SKOR2: variants seen among roughly 807,000 people sequenced by gnomAD.
The protein encoded by SKOR2 is LBX1 corepressor 1-like protein.
SKOR2 carries 47 observed loss-of-function variants against 69.1 expected under a neutral mutation model. That is an observed-to-expected ratio of 0.68 (90% CI 0.54 to 0.87). SKOR2 has a LOEUF of 0.87. Among genes scored for constraint, SKOR2 ranks in the 40% least tolerant of loss-of-function variants. The pLI, the probability that SKOR2 is intolerant of heterozygous loss-of-function variation, is 0.00. For missense variants in SKOR2, 1,404 were observed against 1,472.2 expected (o/e 0.95, Z 0.76); for synonymous variants, 717 against 672.6 (o/e 1.07, Z -1.02).
chr18:47,229,090 C>T (rs945405286), intron 6 of SKOR2, among the ~76,000 whole-genome samples: 1 of 152,180 alleles, frequency 6.6e-6, no homozygotes, highest in Non-Finnish European at 1.5e-5. Context: ...TTACCAGGAA[C>T]CTGGTGCTAT....
chr18:47,235,487 G>T (rs143187983), intron 4 of SKOR2, among the ~76,000 whole-genome samples: 197 of 152,310 alleles, frequency 1.3e-3, no homozygotes, highest in African/African-American at 4.5e-3. Context: ...TCATCCAGGA[G>T]GGTGGAGGCA....
chr18:47,230,085 G>A (rs1327768217), intron 6 of SKOR2, among the ~76,000 whole-genome samples: 1 of 151,944 alleles, frequency 6.6e-6, no homozygotes, highest in Admixed American at 6.6e-5. Context: ...ACTTTTTCTT[G>A]TTTTCCCTAC....
In SKOR2 at chr18:47,247,778, A is replaced by G; in HGVS notation, c.1406T>C (p.Met469Thr). The G allele has an allele frequency of 2.9e-6, 4 of 1,396,268 alleles. No homozygotes were observed. The highest frequency in any genetic ancestry group is 2.8e-6 in the Non-Finnish European group (3 of 1,083,362). The allele number at this position is 1,396,268 out of a possible 1,614,324, so 86.5% of individuals were successfully genotyped here. ...RKDAFYPPFC[M>T]FWPPRTPGGL... The stretch of plus-strand genomic sequence containing the variant: ...GCCAGGGGTCCGCGGCGGCCAGAAC[A>G]TGCAGAAGGGCGGATAGAAGGCGTC... Residue 469 changes from methionine to threonine, a missense_variant, in exon 2 of 9, where the codon ATG becomes ACG. This residue lies in a region of SKOR2 where 1,266 missense variants were observed against 1,309.9 expected (regional missense o/e 0.97). Coordinates refer to ENST00000425639, the MANE Select transcript of SKOR2 (RefSeq NM_001278063.4). The surrounding 1 kb of genome is among the most constrained non-coding windows in gnomAD (Gnocchi z 6.6).
Position 47,247,862 on chromosome 18 carries a change from C to T in SKOR2, c.1322G>A (p.Gly441Asp), listed in dbSNP as rs773322094. 5.9e-6 allele frequency: 8 copies of T among 1,358,770 alleles called. No individual in the cohort carries two copies. In the South Asian group the frequency reaches 7.2e-5, roughly 12 times the overall value. 84.2% of individuals were successfully genotyped at this position (1,358,770 alleles called of 1,614,324 possible). A position where few individuals can be genotyped will look rare whatever the true frequency, so the allele number is the denominator to read the frequency against. The change falls in exon 2 of 9, where the codon GGC becomes GAC. Residue 441 changes from glycine to aspartate, a missense_variant. By Grantham distance (94) the Gly-to-Asp change is moderately conservative (BLOSUM62 -1). Transcript: ENST00000425639. The surrounding 1 kb of genome is among the most constrained non-coding windows in gnomAD (Gnocchi z 6.6). ...GCCGGCCTTGGGCGCCGCGCCCGCGCCGCCTGCGCCCGCGCCCCCCAGGGC... is the reference window on the plus strand; with the variant it reads ...GCCGGCCTTGGGCGCCGCGCCCGCGTCGCCTGCGCCCGCGCCCCCCAGGGC... ...AEALGGAGAG[G>D]AGAAPKAGLS...
chr18:47,220,008 T>C lies in SKOR2; in HGVS notation c.2920A>G (p.Asn974Asp). The C allele has an allele frequency of 1.3e-6, 2 of 1,535,432 alleles. No individual in the cohort carries two copies. Among genetic ancestry groups the C allele is most frequent in the Non-Finnish European group, 8.7e-7 (1 of 1,146,356 alleles). ...TCCCTTTTCATCTGATCCTGAAAAT[T>C]ATCTGGTAGGAGAGAGAGATAGAGA... ...KGNTSFPVFN[N>D]FQDQMKRELA... The change falls in exon 7 of 9, where the codon AAT becomes GAT. Residue 974 changes from asparagine to aspartate, a missense_variant and splice_region_variant. Transcript: ENST00000425639.
intron 6 of SKOR2, among the ~76,000 whole-genome samples, chr18:47,223,588 T>C (rs531650447): frequency 2.0e-4 from 31 of 152,230 alleles, no homozygotes; most frequent in Non-Finnish European, 4.1e-4. Flanking sequence ...ATGTCCAACA[T>C]AACAGTATAT....
chr18:47,225,853 G>A (rs1176364043), intron 6 of SKOR2, among the ~76,000 whole-genome samples: 1 of 152,138 alleles, frequency 6.6e-6, no homozygotes, highest in Non-Finnish European at 1.5e-5. Flanking sequence ...GCAGAAATAA[G>A]GGTGGAGAGG....
intron 3 of SKOR2, 47 bp downstream of exon 3, chr18:47,245,451 A>T: frequency 1.4e-6 from 2 of 1,454,836 alleles, no homozygotes; most frequent in Non-Finnish European, 1.8e-6. Context: ...AGAAATGGTT[A>T]AATGCAGGCA....
At chr18:47,222,879 A>C (rs567390673) in intron 6 of SKOR2, among the ~76,000 whole-genome samples, 52 of 152,380 alleles carry the variant, frequency 3.4e-4, no homozygotes, top group African/African-American at 1.3e-3. Flanking sequence ...TTTCTATGAT[A>C]GTACACTTAA....
Position 47,246,853 on chromosome 18 carries a change from G to A in SKOR2, c.2331C>T (p.Leu777=). 1.3e-6 allele frequency: 2 copies of A among 1,487,172 alleles called. No homozygotes were observed. The highest frequency in any genetic ancestry group is 1.8e-6 in the Non-Finnish European group (2 of 1,124,550). The allele number at this position is 1,487,172 out of a possible 1,614,324, so 92.1% of individuals were successfully genotyped here. ...EEEDEETEVL[L]GDPLVGGGRF... is the part of the protein sequence containing the mutation. ...GGCCGCCCCCGACTAAGGGGTCGCC[G>A]AGTAGGACCTCCGTCTCCTCGTCCT... The change falls in exon 2 of 9, where the codon CTC becomes CTT. Residue 777 remains leucine, a synonymous_variant. Transcript: ENST00000425639.
Position 47,249,188 on chromosome 18 carries a change from G to C in SKOR2, c.-5C>G. The C allele has an allele frequency of 1.3e-6, 2 of 1,533,568 alleles. No homozygotes were observed. Among genetic ancestry groups the C allele is most frequent in the Non-Finnish European group, 1.7e-6 (2 of 1,145,458 alleles). The allele number at this position is 1,533,568 out of a possible 1,614,324, so 95.0% of individuals were successfully genotyped here. ...TGGCAGCGGACTGGAAGCCATCTCC[G>C]CCGCAGAACCCCGGGCCGAGCCCTA... is the stretch of plus-strand genomic sequence containing the variant. On this transcript the variant is annotated 5_prime_UTR_variant, in exon 2 of 9. Transcript: ENST00000425639.
chr18:47,213,948 G>A (rs1054409737), intron 7 of SKOR2, among the ~76,000 whole-genome samples: 1 of 152,142 alleles, frequency 6.6e-6, no homozygotes, highest in Non-Finnish European at 1.5e-5. Flanking sequence ...CACTTCTCTA[G>A]ATGCATGACA....
intron 7 of SKOR2, among the ~76,000 whole-genome samples, chr18:47,215,740 G>A (rs2064141999): frequency 6.6e-6 from 1 of 152,164 alleles, no homozygotes; most frequent in African/African-American, 2.4e-5. Context: ...ACAGCAGAGG[G>A]CACTTAAAGA....
At chr18:47,240,004 A>C (rs1414990789) in intron 4 of SKOR2, among the ~76,000 whole-genome samples, 8 of 152,178 alleles carry the variant, frequency 5.3e-5, no homozygotes, top group African/African-American at 1.9e-4. Flanking sequence ...AAGCATGTTC[A>C]AAAATAGAAT....
Position 47,214,755 on chromosome 18 carries a change from A to T in SKOR2, c.2986-2604T>A, listed in dbSNP as rs186007448. ...TGCTTCAGATTCCATAAAATGCAAC[A>T]TTGGACTTGCAGACACTTCAGCAAA... On this transcript the variant is annotated intron_variant, in intron 7 of 8. Coordinates refer to ENST00000425639, the MANE Select transcript of SKOR2 (RefSeq NM_001278063.4). 3.9e-5 allele frequency among the ~76,000 whole-genome samples: 6 copies of T among 152,314 alleles called. No homozygotes were observed. In the East Asian group the frequency reaches 1.2e-3, roughly 29 times the overall value.
At chr18:47,239,873 G>A (rs1315999356) in intron 4 of SKOR2, among the ~76,000 whole-genome samples, 1 of 152,092 alleles carries the variant, frequency 6.6e-6, no homozygotes, top group African/African-American at 2.4e-5. Context: ...TACATTAACT[G>A]AGAAACAAAA....
intron 4 of SKOR2, among the ~76,000 whole-genome samples, chr18:47,244,550 G>A (rs1038499526): frequency 6.6e-6 from 1 of 152,158 alleles, no homozygotes; most frequent in African/African-American, 2.4e-5. Flanking sequence ...TGTTGGCATA[G>A]ATGTCATAAA....
chr18:47,247,876 G>GC lies in SKOR2; in HGVS notation c.1307dup (p.Ala437ArgfsTer79). 7.4e-7 allele frequency: 1 copy of GC among 1,354,130 alleles called. No individual in the cohort carries two copies. The highest frequency in any genetic ancestry group is 9.4e-7 in the Non-Finnish European group (1 of 1,063,078). 83.9% of individuals were successfully genotyped at this position (1,354,130 alleles called of 1,614,324 possible). A position where few individuals can be genotyped will look rare whatever the true frequency, so the allele number is the denominator to read the frequency against. ...CCGCGCCCGCGCCGCCTGCGCCCGC[G>GC]CCCCCCAGGGCCTCAGCGGCGGCAC... On this transcript the variant is annotated frameshift_variant, in exon 2 of 9. Coordinates refer to ENST00000425639, the MANE Select transcript of SKOR2 (RefSeq NM_001278063.4). LOFTEE classifies it high-confidence loss of function. This position sits in a 1 kb window ranked among gnomAD's most constrained non-coding sequence, Gnocchi z 6.6.
chr18:47,249,002 C>G lies in SKOR2; in HGVS notation c.182G>C (p.Arg61Pro). 6.4e-7 allele frequency: 1 copy of G among 1,551,894 alleles called. No homozygotes were observed. The highest frequency in any genetic ancestry group is 8.7e-7 in the Non-Finnish European group (1 of 1,155,192). ...IVSLVIDGQE[R>P]LCLAQISNTL... ...GTTGGAGATCTGCGCCAGGCACAGG[C>G]GCTCTTGCCCGTCGATCACCAACGA... The change falls in exon 2 of 9, where the codon CGC becomes CCC. Residue 61 changes from arginine to proline, a missense_variant. Physicochemically the swap from Arg to Pro is moderately radical, Grantham distance 103 (BLOSUM62 -2). Around this residue, in one of 3 missense-constraint regions of SKOR2, gnomAD observed 104 missense variants for 95.7 expected, o/e 1.09. Coordinates refer to ENST00000425639, the MANE Select transcript of SKOR2 (RefSeq NM_001278063.4).
Sources: allele counts gnomAD v4.1 joint callset (sites outside exome capture counted in the v4.1 genomes callset), GRCh38; gene constraint gnomAD v4.1.1; regional missense constraint gnomAD v4.1.1; non-coding constraint Gnocchi (gnomAD v3.1); transcripts MANE v1.5; gene names NCBI Gene and HGNC (gene_info 2026-07-23, HGNC 2026-07-21).